Variants in MYO1H observed in about 807,000 individuals in gnomAD.
MYO1H encodes unconventional myosin-Ih.
MYO1H carries 118 observed loss-of-function variants against 149.3 expected under a neutral mutation model. The observed-to-expected ratio is 0.79, with a 90% CI of 0.68 to 0.92. MYO1H has a LOEUF of 0.92. Among genes scored for constraint, MYO1H ranks in the 40% least tolerant of loss-of-function variants. MYO1H has a pLI of 0.00. For synonymous variants in MYO1H, 447 were observed against 465.2 expected (o/e 0.96, Z 0.50); for missense variants, 1,212 against 1,280.7 (o/e 0.95, Z 0.82).
chr12:109,314,770 G>T, the MYO1H span, among the ~76,000 whole-genome samples: 1 of 152,124 alleles, frequency 6.6e-6, no homozygotes, highest in Non-Finnish European at 1.5e-5. Flanking sequence ...TTCTAAAGGC[G>T]CTTCTCCTTG....
At chr12:109,336,712 C>T in the MYO1H span, among the ~76,000 whole-genome samples, 2 of 152,182 alleles carry the variant, frequency 1.3e-5, no homozygotes, top group African/African-American at 2.4e-5. Context: ...CCTGAACAAT[C>T]CACTCTGGTT....
chr12:109,404,527 A>G (rs1301241461), intron 7 of MYO1H, among the ~76,000 whole-genome samples: 1 of 152,216 alleles, frequency 6.6e-6, no homozygotes, highest in Non-Finnish European at 1.5e-5. Flanking sequence ...CCAGTTACAT[A>G]TGAATTTCAG....
intron 30 of MYO1H, 85 bp downstream of exon 30, chr12:109,444,614 C>G: frequency 9.4e-7 from 1 of 1,067,350 alleles, no homozygotes; most frequent in Non-Finnish European, 1.4e-6. Context: ...TGCCTATAAT[C>G]CCAGCACTTT....
intron 1 of MYO1H, among the ~76,000 whole-genome samples, chr12:109,352,626 A>G (rs1417089151): frequency 1.3e-5 from 2 of 152,230 alleles, no homozygotes; most frequent in African/African-American, 4.8e-5. Context: ...TGTGTTAAAC[A>G]TACAGAAAAG....
intron 2 of MYO1H, among the ~76,000 whole-genome samples, chr12:109,390,444 AT>A (rs1343593069): frequency 6.6e-6 from 1 of 151,434 alleles, no homozygotes; most frequent in African/African-American, 2.4e-5. Flanking sequence ...GAGTATATTA[AT>A]TTTTTTTCTA....
intron 18 of MYO1H, 132 bp from the exon 19 acceptor site, chr12:109,427,337 A>AT: frequency 2.0e-6 from 1 of 508,560 alleles, no homozygotes; most frequent in Non-Finnish European, 3.6e-6. Flanking sequence ...AAAAAAAAAA[A>AT]TTAAGACCTC....
rs199861949 is a variant in MYO1H, at chr12:109,436,514, C to T, written c.2167C>T (p.Arg723Cys). 275 of 1,611,218 alleles carry T rather than the reference C, an allele frequency of 1.7e-4. 1 individual carries two copies. In the African/African-American group the frequency reaches 1.8e-3, roughly 10 times the overall value. Reference sequence around the variant, plus strand: ...TGCAAGAATCCAAGCCACTTACAAACGCTGCCTAGGAAGGAGAGAATACGT... The same window carrying T: ...TGCAAGAATCCAAGCCACTTACAAATGCTGCCTAGGAAGGAGAGAATACGT... The change falls in exon 22 of 32, where the codon CGC becomes TGC. Residue 723 changes from arginine (R) to cysteine (C), a missense_variant. Physicochemically the swap from Arg to Cys is radical, Grantham distance 180. Transcript: ENST00000310903.
At chr12:109,379,541 T>C (rs1396779740) in intron 1 of MYO1H, among the ~76,000 whole-genome samples, 1 of 152,068 alleles carries the variant, frequency 6.6e-6, no homozygotes, top group Admixed American at 6.6e-5. Flanking sequence ...GCACAAATAG[T>C]GAAATACTTT....
At chr12:109,413,556 A>G (rs868724500) in intron 14 of MYO1H, among the ~76,000 whole-genome samples, 14 of 152,372 alleles carry the variant, frequency 9.2e-5, no homozygotes, top group African/African-American at 2.9e-4. Flanking sequence ...GGAATAATAT[A>G]TCACTGTGCA....
At chr12:109,428,161 C>T (rs1444005218) in intron 19 of MYO1H, among the ~76,000 whole-genome samples, 1 of 151,454 alleles carries the variant, frequency 6.6e-6, no homozygotes, top group Non-Finnish European at 1.5e-5. Flanking sequence ...TCACTAATCC[C>T]TGACTGTTTA....
intron 31 of MYO1H, chr12:109,446,596 C>G (rs7970855): frequency 6.9e-6 from 2 of 289,742 alleles, no homozygotes; most frequent in Non-Finnish European, 1.0e-5. Context: ...AACTCCGTCT[C>G]TACTAAAAAT....
exon 2 of MYO1H, chr12:109,388,726 G>C (rs1465002465): frequency 1.9e-6 from 3 of 1,609,524 alleles, no homozygotes; most frequent in Non-Finnish European, 2.5e-6. Flanking sequence ...CACATGGAAG[G>C]GGCGCTGACT....
At chr12:109,395,677 A>T (rs1288139435) in intron 3 of MYO1H, among the ~76,000 whole-genome samples, 1 of 151,794 alleles carries the variant, frequency 6.6e-6, no homozygotes, top group Non-Finnish European at 1.5e-5. Flanking sequence ...AGAGGTTGCA[A>T]TGAGCTCAGA....
intron 7 of MYO1H, among the ~76,000 whole-genome samples, chr12:109,404,710 T>C (rs1340238535): frequency 2.0e-5 from 3 of 152,176 alleles, no homozygotes; most frequent in African/African-American, 4.8e-5. Flanking sequence ...CAGTTTTTTT[T>C]CTCCTGTAAA....
intron 1 of MYO1H, among the ~76,000 whole-genome samples, chr12:109,356,601 C>T (rs1319501527): frequency 3.9e-5 from 6 of 152,058 alleles, no homozygotes; most frequent in African/African-American, 9.7e-5. Flanking sequence ...TTTTTTAACC[C>T]TCTATTTATG....
chr12:109,312,337 C>G, the MYO1H span, among the ~76,000 whole-genome samples: 4 of 152,060 alleles, frequency 2.6e-5, no homozygotes, highest in African/African-American at 4.8e-5. Flanking sequence ...CTCAGCCTCC[C>G]GAGTAGCTGG....
At chr12:109,334,078 G>C in the MYO1H span, among the ~76,000 whole-genome samples, 3 of 151,998 alleles carry the variant, frequency 2.0e-5, no homozygotes, top group Non-Finnish European at 2.9e-5. Context: ...GTACAGTGAT[G>C]CAATCTCGGC....
At chr12:109,386,496 C>T (rs1049473377) in intron 1 of MYO1H, among the ~76,000 whole-genome samples, 4 of 152,208 alleles carry the variant, frequency 2.6e-5, no homozygotes, top group Non-Finnish European at 4.4e-5. Flanking sequence ...CTGTCTGCTC[C>T]GCATCCTCAC....
At chr12:109,414,498 G>GA (rs1319169499) in intron 14 of MYO1H, among the ~76,000 whole-genome samples, 82 of 132,392 alleles carry the variant, frequency 6.2e-4, no homozygotes, top group African/African-American at 2.0e-3. Flanking sequence ...AAAAAAGAAA[G>GA]AAAAAAAAAA....
Sources: gnomAD v4.1 joint callset for allele counts (sites outside exome capture counted in the v4.1 genomes callset) on GRCh38, gnomAD v4.1.1 for gene constraint, MANE v1.5 for transcripts, NCBI Gene and HGNC (gene_info 2026-07-23, HGNC 2026-07-21) for gene names.